Variants in PTPRN2 observed in about 807,000 individuals in gnomAD.
The protein encoded by PTPRN2 is protein tyrosine phosphatase receptor type N2.
A neutral mutation model predicts 118.8 loss-of-function variants in PTPRN2; 74 were observed. That is an observed-to-expected ratio of 0.62 (90% confidence interval 0.52 to 0.76). PTPRN2 has a LOEUF of 0.76. Among genes scored for constraint, PTPRN2 ranks in the 30% least tolerant of loss-of-function variants. PTPRN2 has a pLI of 0.00. For missense variants in PTPRN2, 1,481 were observed against 1,394.4 expected, an observed-to-expected ratio of 1.06 and a Z score of -0.99; for synonymous variants, 641 against 608.0, an observed-to-expected ratio of 1.05 and a Z score of -0.80.
At chr7:157,848,398 A>G (rs984075684) in intron 12 of PTPRN2, among the ~76,000 whole-genome samples, 27 of 111,764 alleles carry the variant, frequency 2.4e-4, no homozygotes, top group East Asian at 1.8e-3. Context: ...ATATGTGCCC[A>G]ATGTTTACAG....
At chr7:158,293,771 T>C (rs1435849517) in intron 3 of PTPRN2, among the ~76,000 whole-genome samples, 1 of 139,768 alleles carries the variant, frequency 7.2e-6, no homozygotes, top group Non-Finnish European at 1.6e-5. Flanking sequence ...AAAAAAAAAC[T>C]AAGACACAAA....
At chr7:158,006,225 T>C (rs1805623604) in intron 11 of PTPRN2, among the ~76,000 whole-genome samples, 1 of 152,226 alleles carries the variant, frequency 6.6e-6, no homozygotes, top group African/African-American at 2.4e-5. Flanking sequence ...GTGGAATTAC[T>C]GAGTTCACAT....
intron 12 of PTPRN2, among the ~76,000 whole-genome samples, chr7:157,817,497 T>C (rs1806488070): frequency 6.6e-6 from 1 of 152,252 alleles, no homozygotes; most frequent in South Asian, 2.1e-4. Flanking sequence ...AGAGCCACCA[T>C]CACGGCACCG....
intron 3 of PTPRN2, among the ~76,000 whole-genome samples, chr7:158,277,156 C>T (rs771400762): frequency 1.3e-5 from 2 of 151,282 alleles, no homozygotes; most frequent in African/African-American, 2.4e-5. Flanking sequence ...CGCACATACA[C>T]GTGCACATAA....
intron 2 of PTPRN2, among the ~76,000 whole-genome samples, chr7:158,419,408 T>TTGCAAGAATTCCGTCAC (rs61708506): frequency 0.54 from 80,898 of 151,120 alleles, 22,339 homozygotes; most frequent in East Asian, 0.79. Flanking sequence ...AATTCCATCA[T>TTGCAAGAATTCCGTCAC]TGCAAGAATT....
intron 2 of PTPRN2, among the ~76,000 whole-genome samples, chr7:158,332,421 C>G (rs1465780070): frequency 4.4e-3 from 492 of 112,106 alleles, no homozygotes; most frequent in African/African-American, 7.5e-3. Flanking sequence ...AACATAAGAG[C>G]TGACACCTGC....
At chr7:158,283,308 C>A (rs1490279439) in intron 3 of PTPRN2, among the ~76,000 whole-genome samples, 2 of 152,212 alleles carry the variant, frequency 1.3e-5, no homozygotes, top group Non-Finnish European at 2.9e-5. Context: ...CTCCCCAGAC[C>A]CCCAAGAGGA....
intron 12 of PTPRN2, among the ~76,000 whole-genome samples, chr7:157,824,903 C>G (rs905972323): frequency 6.6e-6 from 1 of 152,204 alleles, no homozygotes; most frequent in Non-Finnish European, 1.5e-5. Flanking sequence ...AGCCACAAAG[C>G]AGGCGGATCA....
chr7:157,599,214 T>G (rs1801521350), intron 16 of PTPRN2, among the ~76,000 whole-genome samples: 1 of 152,326 alleles, frequency 6.6e-6, no homozygotes, highest in African/African-American at 2.4e-5. Context: ...TTCACCATAT[T>G]GGCCAGGCTG....
intron 5 of PTPRN2, among the ~76,000 whole-genome samples, chr7:158,170,386 C>T (rs892975267): frequency 3.9e-5 from 6 of 152,186 alleles, no homozygotes; most frequent in East Asian, 1.9e-4. Context: ...GGAGCTTCCA[C>T]GCAAAGGGCC....
In PTPRN2 at chr7:157,903,814, G is replaced by A. The variant is rs761357442; in HGVS notation, c.1724-5077C>T. Among the ~76,000 whole-genome samples the A allele has an allele frequency of 7.2e-5, 11 of 152,112 alleles. No individual in the cohort carries two copies. Among genetic ancestry groups the A allele is most frequent in the East Asian group, 1.9e-4 (1 of 5,180 alleles). The stretch of plus-strand genomic sequence containing the variant: ...TTCCTGCCACACACCAAGTGCCGGC[G>A]CAAGCGCTTCCCACACTTCAATCCG... On this transcript the variant is annotated intron_variant, in intron 11 of 22. Transcript: ENST00000389418. The surrounding 1 kb of genome is among the most constrained non-coding windows in gnomAD (Gnocchi z 4.2).
rs1396434029 is a variant in PTPRN2 at position 158,332,205 on chromosome 7, CA to C, written c.164-15274del. Among the ~76,000 whole-genome samples, 16 of 149,118 alleles carry C rather than the reference CA, an allele frequency of 1.1e-4. 1 individual carries two copies. Among genetic ancestry groups the C allele is most frequent in the African/African-American group, 4.1e-4 (16 of 38,902 alleles). On this transcript the variant is annotated intron_variant, in intron 2 of 22. Coordinates refer to ENST00000389418, the MANE Select transcript of PTPRN2 (RefSeq NM_002847.5). ...CACCATAAGATGTGACACCTGCAGA[CA>C]TCACTCACATCCACACTCTGTCCAT...
intron 3 of PTPRN2, among the ~76,000 whole-genome samples, chr7:158,225,996 A>G (rs1828742464): frequency 6.6e-6 from 1 of 152,162 alleles, no homozygotes; most frequent in African/African-American, 2.4e-5. Flanking sequence ...GGGGAGCAGT[A>G]AAAGCTCTGC....
intron 9 of PTPRN2, among the ~76,000 whole-genome samples, chr7:158,124,373 A>G (rs1202599416): frequency 1.3e-5 from 2 of 152,202 alleles, no homozygotes; most frequent in Admixed American, 6.5e-5. Flanking sequence ...CCCCCACGTT[A>G]GTGGACAACT....
intron 5 of PTPRN2, among the ~76,000 whole-genome samples, chr7:158,175,576 G>A (rs1824115499): frequency 6.6e-6 from 1 of 152,146 alleles, no homozygotes; most frequent in Non-Finnish European, 1.5e-5. Flanking sequence ...AATAATTGTG[G>A]TGTCATTCTT....
chr7:158,295,031 CCTTT>C (rs1395820375), intron 3 of PTPRN2, among the ~76,000 whole-genome samples: 1 of 145,612 alleles, frequency 6.9e-6, no homozygotes, highest in Non-Finnish European at 1.5e-5. Context: ...GGTTCACCCA[CCTTT>C]CTGAGGGTCC....
chr7:158,132,586 T>G (rs1371213697), intron 9 of PTPRN2, among the ~76,000 whole-genome samples: 2 of 109,984 alleles, frequency 1.8e-5, no homozygotes, highest in Non-Finnish European at 1.8e-5. Context: ...TATAGACACA[T>G]GCATATGCAC....
chr7:157,917,472 C>CG (rs1170440503), intron 11 of PTPRN2, among the ~76,000 whole-genome samples: 3 of 152,106 alleles, frequency 2.0e-5, no homozygotes, highest in Admixed American at 1.3e-4. Context: ...TGGATTCTGC[C>CG]GGGGGGCGGG....
At chr7:158,527,689 G>C (rs1824893053) in intron 1 of PTPRN2, among the ~76,000 whole-genome samples, 1 of 152,186 alleles carries the variant, frequency 6.6e-6, no homozygotes, top group African/African-American at 2.4e-5. Flanking sequence ...CACTCTGTGG[G>C]GGGGTCTCAC....
Sources: gnomAD v4.1 joint callset for allele counts (sites outside exome capture counted in the v4.1 genomes callset) on GRCh38, gnomAD v4.1.1 for gene constraint, Gnocchi (gnomAD v3.1) non-coding constraint, MANE v1.5 for transcripts, NCBI Gene and HGNC (gene_info 2026-07-23, HGNC 2026-07-21) for gene names.